The following INPP4B variants were observed in gnomAD, a reference collection of about 807,000 sequenced individuals.
The protein encoded by INPP4B is inositol polyphosphate-4-phosphatase type II B, also known as inositol polyphosphate 4-phosphatase type II.
In INPP4B, 55 loss-of-function variants were observed where a neutral mutation model predicts 122.5. The observed-to-expected ratio is 0.45, with a 90% CI of 0.36 to 0.56. The LOEUF (loss-of-function observed/expected upper bound fraction) is 0.56. Among genes scored for constraint, INPP4B ranks in the 20% least tolerant of loss-of-function variants. INPP4B has a pLI of 0.00. For synonymous variants in INPP4B, 403 were observed against 388.7 expected, an observed-to-expected ratio of 1.04 and a Z score of -0.43; for missense variants, 1,000 against 1,097.7, an observed-to-expected ratio of 0.91 and a Z score of 1.26.
chr4:142,681,449 T>C (rs1323703351), intron 2 of INPP4B, among the ~76,000 whole-genome samples: 1 of 151,786 alleles, frequency 6.6e-6, no homozygotes, highest in Non-Finnish European at 1.5e-5. Context: ...ATTCTAAATA[T>C]AGTTCAGGTG....
intron 1 of INPP4B, among the ~76,000 whole-genome samples, chr4:142,781,458 A>G (rs1774805335): frequency 6.6e-6 from 1 of 152,152 alleles, no homozygotes; most frequent in African/African-American, 2.4e-5. Context: ...ACCATGTAAC[A>G]CCCAGGGTAG....
chr4:142,636,488 A>G (rs1017301297), intron 2 of INPP4B, among the ~76,000 whole-genome samples: 5 of 152,154 alleles, frequency 3.3e-5, no homozygotes, highest in African/African-American at 1.2e-4. Flanking sequence ...AATTTTTCCC[A>G]ATTCATAGAT....
intron 7 of INPP4B, among the ~76,000 whole-genome samples, chr4:142,399,924 T>C (rs1306002023): frequency 6.6e-6 from 1 of 151,862 alleles, no homozygotes; most frequent in Non-Finnish European, 1.5e-5. Context: ...GGATGAAGGA[T>C]GTAGTAGAAG....
At chr4:142,474,036 G>A (rs1268543411) in intron 2 of INPP4B, among the ~76,000 whole-genome samples, 1 of 151,222 alleles carries the variant, frequency 6.6e-6, no homozygotes, top group East Asian at 1.9e-4. Context: ...CCGGGCTGCA[G>A]GGCAGGAGAC....
At chr4:142,401,937 AT>A (rs1579962396) in intron 7 of INPP4B, among the ~76,000 whole-genome samples, 1 of 152,290 alleles carries the variant, frequency 6.6e-6, no homozygotes, top group South Asian at 2.1e-4. Context: ...AATATAGAAT[AT>A]TTTTTTCCAT....
intron 12 of INPP4B, among the ~76,000 whole-genome samples, chr4:142,225,920 C>T (rs577323976): frequency 3.3e-4 from 50 of 152,216 alleles, no homozygotes; most frequent in Non-Finnish European, 6.0e-4. Flanking sequence ...CTACCACAGT[C>T]TCTCATCTGA....
At chr4:142,308,408 T>C (rs1443522526) in intron 8 of INPP4B, among the ~76,000 whole-genome samples, 1 of 152,188 alleles carries the variant, frequency 6.6e-6, no homozygotes, top group Non-Finnish European at 1.5e-5. Flanking sequence ...TTGTATAAAC[T>C]ACATTAATAA....
intron 2 of INPP4B, among the ~76,000 whole-genome samples, chr4:142,593,559 A>T (rs962535446): frequency 1.3e-5 from 2 of 151,912 alleles, no homozygotes; most frequent in East Asian, 3.9e-4. Flanking sequence ...CTACTTTCTC[A>T]TTGCTGGACC....
chr4:142,041,510 C>G (rs1747492763), intron 25 of INPP4B, among the ~76,000 whole-genome samples: 1 of 151,940 alleles, frequency 6.6e-6, no homozygotes, highest in African/African-American at 2.4e-5. Flanking sequence ...CACAGCTACT[C>G]AGGAGGCTGA....
chr4:142,057,861 A>G (rs903596390), intron 25 of INPP4B, among the ~76,000 whole-genome samples: 1 of 152,104 alleles, frequency 6.6e-6, no homozygotes, highest in Non-Finnish European at 1.5e-5. Context: ...TATATCTACT[A>G]TTCCTTAAGA....
intron 2 of INPP4B, among the ~76,000 whole-genome samples, chr4:142,532,259 G>C (rs1010949862): frequency 3.9e-5 from 6 of 152,128 alleles, no homozygotes; most frequent in African/African-American, 1.4e-4. Context: ...TTCAGCAGCA[G>C]CACCCCCTGC....
chr4:142,257,134 G>A (rs1561648968), intron 11 of INPP4B, among the ~76,000 whole-genome samples: 1 of 152,048 alleles, frequency 6.6e-6, no homozygotes, highest in East Asian at 1.9e-4. Context: ...ATGCAGAAAA[G>A]GCCTTTGACA....
intron 1 of INPP4B, among the ~76,000 whole-genome samples, chr4:142,736,828 A>T (rs1766989818): frequency 6.6e-6 from 1 of 152,068 alleles, no homozygotes; most frequent in African/African-American, 2.4e-5. Context: ...AGAACTTCCA[A>T]CACTATGTTG....
At chr4:142,780,387 A>G (rs79455644) in intron 1 of INPP4B, among the ~76,000 whole-genome samples, 5 of 152,332 alleles carry the variant, frequency 3.3e-5, no homozygotes, top group Admixed American at 1.3e-4. Flanking sequence ...ACAGGACTTA[A>G]TCAAAATACG....
At chr4:142,122,400 G>A (rs1796925601) in intron 20 of INPP4B, among the ~76,000 whole-genome samples, 155 bp from the exon 21 acceptor site, 1 of 152,100 alleles carries the variant, frequency 6.6e-6, no homozygotes, top group African/African-American at 2.4e-5. Flanking sequence ...AGAGGCTGAA[G>A]GTGTTTCTTA....
Position 142,124,766 on chromosome 4 carries a change from G to A in INPP4B, c.1721-6C>T, listed in dbSNP as rs762485954. ...CAACTGTTCATACCAGTCCTCTGGG[G>A]GAAGGGGGTGTAAGAACAGTGCAAT... On this transcript the variant is annotated splice_polypyrimidine_tract_variant and splice_region_variant and intron_variant, in intron 18 of 25. Transcript: ENST00000262992. 1.3e-6 allele frequency: 2 copies of A among 1,526,304 alleles called. No individual in the cohort carries two copies. Among genetic ancestry groups the A allele is most frequent in the Non-Finnish European group, 8.9e-7 (1 of 1,129,206 alleles). 94.5% of individuals were successfully genotyped at this position (1,526,304 alleles called of 1,614,324 possible).
intron 9 of INPP4B, among the ~76,000 whole-genome samples, chr4:142,272,894 T>C (rs1746543463): frequency 6.6e-6 from 1 of 152,050 alleles, no homozygotes; most frequent in South Asian, 2.1e-4. Context: ...ACTTTTTACT[T>C]GGGCAAGCTA....
chr4:142,041,113 T>C (rs2667091), intron 25 of INPP4B, among the ~76,000 whole-genome samples: 15,860 of 152,012 alleles, frequency 0.1, 1,513 homozygotes, highest in African/African-American at 0.26. Flanking sequence ...GAAAGTAGCC[T>C]GGGAAATTTA....
intron 2 of INPP4B, among the ~76,000 whole-genome samples, chr4:142,645,932 G>T (rs1002806793): frequency 6.6e-6 from 1 of 152,116 alleles, no homozygotes; most frequent in African/African-American, 2.4e-5. Context: ...TTCATAGGCT[G>T]GGACTTTAAT....
Sources: gnomAD v4.1 joint callset for allele counts (sites outside exome capture counted in the v4.1 genomes callset) on GRCh38, gnomAD v4.1.1 for gene constraint, MANE v1.5 for transcripts, NCBI Gene and HGNC (gene_info 2026-07-23, HGNC 2026-07-21) for gene names.